Variants in ADGB observed in about 807,000 individuals in gnomAD.
The protein encoded by ADGB is androglobin.
Under a neutral mutation model 210.5 loss-of-function variants are expected in ADGB, and 172 were observed. The observed-to-expected ratio is 0.82, with a 90% confidence interval of 0.72 to 0.93. The LOEUF is 0.93. Among genes scored for constraint, ADGB ranks in the 40% least tolerant of loss-of-function variants. The probability of loss-of-function intolerance (pLI) is 0.00; values close to 1 mark genes in which losing one functional copy is unlikely to be tolerated. For missense variants in ADGB, 2,025 were observed against 1,964.8 expected (o/e 1.03, Z -0.58); for synonymous variants, 658 against 662.7 (o/e 0.99, Z 0.11).
chr6:146,745,725 A>G (rs974287441), intron 25 of ADGB, among the ~76,000 whole-genome samples, 197 bp from the exon 26 acceptor site: 1 of 152,172 alleles, frequency 6.6e-6, no homozygotes, highest in Non-Finnish European at 1.5e-5. Context: ...AGAGTTTATT[A>G]TTTTCCTGAA....
chr6:146,802,310 A>G (rs1467645832), intron 35 of ADGB: 1 of 188,514 alleles, frequency 5.3e-6, no homozygotes, highest in African/African-American at 2.3e-5. Flanking sequence ...TGAAGATCAT[A>G]TTAATCAGCT....
At chr6:146,622,387 G>A (rs1039310981) in intron 1 of ADGB, among the ~76,000 whole-genome samples, 6 of 150,486 alleles carry the variant, frequency 4.0e-5, no homozygotes, top group East Asian at 2.0e-4. Flanking sequence ...GCTCATTTAC[G>A]TTTTTATGAC....
chr6:146,705,430 T>C (rs1776555372), intron 13 of ADGB, among the ~76,000 whole-genome samples: 1 of 152,166 alleles, frequency 6.6e-6, no homozygotes, highest in African/African-American at 2.4e-5. Flanking sequence ...TGGCCTTTGT[T>C]GTGTTGAAGT....
At chr6:146,813,494 A>G (rs959165088) in intron 35 of ADGB, among the ~76,000 whole-genome samples, 2 of 152,120 alleles carry the variant, frequency 1.3e-5, no homozygotes, top group African/African-American at 4.8e-5. Context: ...TTATTGGTGT[A>G]TGAAAATGTG....
At chr6:146,643,119 T>C (rs996983143) in intron 2 of ADGB, among the ~76,000 whole-genome samples, 15 of 151,856 alleles carry the variant, frequency 9.9e-5, no homozygotes, top group Non-Finnish European at 1.0e-4. Context: ...TAGCAACAGC[T>C]CCTGGAAATT....
At chr6:146,683,923 T>A (rs1434031331) in intron 9 of ADGB, among the ~76,000 whole-genome samples, 4 of 152,088 alleles carry the variant, frequency 2.6e-5, no homozygotes, top group Non-Finnish European at 5.9e-5. Context: ...AATGTACAAA[T>A]GTGGGATATA....
chr6:146,805,421 A>C (rs1394390576), intron 35 of ADGB, among the ~76,000 whole-genome samples: 1 of 152,354 alleles, frequency 6.6e-6, no homozygotes, highest in East Asian at 1.9e-4. Context: ...GGGCAATGCT[A>C]CGAGGTACCT....
At position 146,807,442 on chromosome 6, in the gene ADGB, G is replaced by A. The variant is rs543672226; in HGVS notation, c.4818+5431G>A. 79 of 1,551,552 alleles carry A rather than the reference G, an allele frequency of 5.1e-5. No homozygotes were observed. The South Asian group carries it at 7.9e-4, about 15-fold the overall frequency. Reference sequence around the variant, plus strand: ...GCCCGACAGAAAATTTTCGACATCCGGGAAGAGTACAGAAACAAATTGCTG... The same window carrying A: ...GCCCGACAGAAAATTTTCGACATCCAGGAAGAGTACAGAAACAAATTGCTG... On this transcript the variant is annotated intron_variant, in intron 35 of 35. Transcript: ENST00000397944.
chr6:146,692,845 G>A lies in ADGB; in HGVS notation c.1507G>A (p.Glu503Lys). 1 of 1,537,700 alleles carries A rather than the reference G, an allele frequency of 6.5e-7. No individual in the cohort carries two copies. Among genetic ancestry groups the A allele is most frequent in the East Asian group, 2.5e-5 (1 of 40,694 alleles). The change falls in exon 12 of 36, where the codon GAA (glutamate) becomes AAA (lysine). Residue 503 changes from glutamate (E) to lysine (K), a missense_variant. Physicochemically the swap from Glu to Lys is moderately conservative, Grantham distance 56. Coordinates refer to ENST00000397944, the MANE Select transcript of ADGB (RefSeq NM_024694.4). ...TTTAGAGTTAATAGTAAAGAAGCCTGAACGGTTCCTTGAGATTTCAAGTCC... is the reference window on the plus strand; with the variant it reads ...TTTAGAGTTAATAGTAAAGAAGCCTAAACGGTTCCTTGAGATTTCAAGTCC... ...EAQELIVKKP[E>K]RFLEISSPFL... is the part of the protein sequence containing the mutation.
At chr6:146,610,529 C>G (rs1291095696) in intron 1 of ADGB, among the ~76,000 whole-genome samples, 1 of 152,060 alleles carries the variant, frequency 6.6e-6, no homozygotes, top group Non-Finnish European at 1.5e-5. Flanking sequence ...CTTTTATATT[C>G]TTTGAAGCCC....
At chr6:146,771,303 T>A (rs1232117004) in intron 29 of ADGB, among the ~76,000 whole-genome samples, 1 of 152,108 alleles carries the variant, frequency 6.6e-6, no homozygotes, top group Non-Finnish European at 1.5e-5. Flanking sequence ...ATGGATTATC[T>A]ACTGCTGTGA....
chr6:146,678,329 C>T (rs908804270), intron 9 of ADGB, among the ~76,000 whole-genome samples: 6 of 152,268 alleles, frequency 3.9e-5, no homozygotes, highest in South Asian at 2.1e-4. Context: ...CAGGTTCAAG[C>T]GATTCTTGTG....
intron 20 of ADGB, among the ~76,000 whole-genome samples, chr6:146,732,048 C>T (rs974803713): frequency 7.9e-5 from 12 of 152,082 alleles, no homozygotes; most frequent in Admixed American, 6.6e-5. Flanking sequence ...GCTTTTTAAC[C>T]GAGCCTCCTA....
At chr6:146,608,250 T>C (rs190354520) in intron 1 of ADGB, among the ~76,000 whole-genome samples, 25 of 151,944 alleles carry the variant, frequency 1.6e-4, no homozygotes, top group Admixed American at 3.9e-4. Flanking sequence ...GAGCCAGCGG[T>C]AGTGTGTTTT....
At chr6:146,745,819 T>A (rs1188929393) in intron 25 of ADGB, 103 bp from the exon 26 acceptor site, 5 of 839,126 alleles carry the variant, frequency 6.0e-6, no homozygotes, top group Non-Finnish European at 8.6e-6. Flanking sequence ...TTGGGACCTG[T>A]AGGTATATCA....
At chr6:146,797,682 G>T (rs1279694614) in intron 33 of ADGB, among the ~76,000 whole-genome samples, 13 of 152,072 alleles carry the variant, frequency 8.5e-5, no homozygotes, top group Admixed American at 8.5e-4. Context: ...ATGAAACATT[G>T]TATGTTCTCA....
intron 29 of ADGB, among the ~76,000 whole-genome samples, chr6:146,775,923 T>C (rs1470914433): frequency 1.3e-5 from 2 of 152,124 alleles, no homozygotes; most frequent in African/African-American, 4.8e-5. Flanking sequence ...CTTAGAAATA[T>C]GTAAATTTTC....
intron 1 of ADGB, among the ~76,000 whole-genome samples, chr6:146,615,422 G>A (rs980626463): frequency 6.6e-6 from 1 of 152,074 alleles, no homozygotes; most frequent in African/African-American, 2.4e-5. Context: ...AACATTTATT[G>A]TATCTTTGTG....
chr6:146,773,281 G>GAA (rs5880685), intron 29 of ADGB, among the ~76,000 whole-genome samples: 1 of 149,398 alleles, frequency 6.7e-6, no homozygotes, highest in South Asian at 2.1e-4. Flanking sequence ...CATACATAGA[G>GAA]AAAAAAAAAA....
Sources: gnomAD v4.1 joint callset for allele counts (sites outside exome capture counted in the v4.1 genomes callset) on GRCh38, gnomAD v4.1.1 for gene constraint, MANE v1.5 for transcripts, NCBI Gene and HGNC (gene_info 2026-07-23, HGNC 2026-07-21) for gene names.